Variants in MED13 observed in about 807,000 individuals in gnomAD.
MED13 encodes mediator of RNA polymerase II transcription subunit 13.
A neutral mutation model predicts 225.2 loss-of-function variants in MED13; 23 were observed. That is an observed-to-expected ratio of 0.10 (90% CI 0.07 to 0.14). The LOEUF is 0.14. Among genes scored for constraint, MED13 ranks in the 10% least tolerant of loss-of-function variants. The pLI is 1.00. For missense variants in MED13, 2,197 were observed against 2,594.5 expected, an observed-to-expected ratio of 0.85 and a Z score of 3.33; for synonymous variants, 942 against 889.2, an observed-to-expected ratio of 1.06 and a Z score of -1.06.
intron 16 of MED13, among the ~76,000 whole-genome samples, chr17:61,977,673 G>A (rs922057857): frequency 4.6e-5 from 7 of 152,170 alleles, no homozygotes; most frequent in African/African-American, 1.7e-4. Flanking sequence ...GGATGTTCTT[G>A]ATCTGACCTT....
chr17:61,954,766 G>C (rs2079927486), intron 26 of MED13, among the ~76,000 whole-genome samples: 1 of 152,128 alleles, frequency 6.6e-6, no homozygotes, highest in Non-Finnish European at 1.5e-5. Flanking sequence ...GACAGAGTGA[G>C]TGAGACTCTG....
At chr17:62,064,965 T>C (rs1313896992) in intron 1 of MED13, among the ~76,000 whole-genome samples, 175 bp downstream of exon 1, 1 of 152,108 alleles carries the variant, frequency 6.6e-6, no homozygotes, top group African/African-American at 2.4e-5. Context: ...CCCGGGACCG[T>C]AGGAGAGCGA....
At chr17:62,041,541 C>T (rs1400238286) in intron 3 of MED13, among the ~76,000 whole-genome samples, 5 of 151,912 alleles carry the variant, frequency 3.3e-5, no homozygotes, top group Middle Eastern at 3.2e-3. Flanking sequence ...AGTTTTGTTA[C>T]GTACATTTTA....
intron 8 of MED13, among the ~76,000 whole-genome samples, chr17:62,025,655 G>A (rs544700214): frequency 2.0e-4 from 30 of 152,200 alleles, no homozygotes; most frequent in East Asian, 1.4e-3. Flanking sequence ...GCGAGATATC[G>A]TCTCAAACAA....
Position 61,966,655 on chromosome 17 carries a change from C to G in MED13, c.4192-4G>C, listed in dbSNP as rs1173101583. On this transcript the variant is annotated splice_region_variant and splice_polypyrimidine_tract_variant and intron_variant, in intron 18 of 29. Transcript: ENST00000397786. ...TATGTTGACCTAATCGACAGGACTACAAATATACATACAGAAAGCAGAATT... is the reference window on the plus strand; with the variant it reads ...TATGTTGACCTAATCGACAGGACTAGAAATATACATACAGAAAGCAGAATT... The G allele has an allele frequency of 1.3e-6, 2 of 1,570,310 alleles. No individual in the cohort carries two copies. The highest frequency in any genetic ancestry group is 1.4e-5 in the African/African-American group (1 of 73,262).
chr17:62,000,481 C>T (rs748560766), intron 9 of MED13, among the ~76,000 whole-genome samples: 45 of 152,148 alleles, frequency 3.0e-4, no homozygotes, highest in Non-Finnish European at 4.7e-4. Context: ...TAGCTAAAGT[C>T]ATGTAGTACA....
intron 2 of MED13, among the ~76,000 whole-genome samples, chr17:62,057,080 AT>A (rs539595855): frequency 7.1e-4 from 108 of 152,354 alleles, no homozygotes; most frequent in African/African-American, 2.0e-3. Flanking sequence ...TCTCAAAAAA[AT>A]GGCATCTTTA....
intron 8 of MED13, among the ~76,000 whole-genome samples, chr17:62,015,773 CACTA>C (rs2080557801): frequency 1.4e-5 from 2 of 140,484 alleles, no homozygotes. Context: ...GATATACACA[CACTA>C]TATATATATA....
Position 62,029,618 on chromosome 17 carries a change from G to A in MED13, c.1206C>T (p.Cys402=), listed in dbSNP as rs377226714. The A allele has an allele frequency of 1.4e-5, 22 of 1,613,710 alleles. No individual in the cohort carries two copies. The highest frequency in any genetic ancestry group is 1.2e-4 in the African/African-American group (9 of 74,884). ...RKYSASSGGL[C]EEATAAKVAS... ...CCACTTTAGCAGCTGTCGCTTCTTC[G>A]CATAGACCACCTGATGAAGCAGAAT... The change falls in exon 8 of 30, where the codon TGC becomes TGT. Residue 402 remains cysteine, a synonymous_variant. Transcript: ENST00000397786.
In MED13 at chr17:61,946,453, T is replaced by C; in HGVS notation, c.*15A>G. 6.2e-7 allele frequency: 1 copy of C among 1,610,948 alleles called. No individual in the cohort carries two copies. The highest frequency in any genetic ancestry group is 1.1e-5 in the South Asian group (1 of 90,754). ...TTTCCTTGTTCTTTTCTTGCACAGT[T>C]CCATCAAATGAAGATCACAGCATAT... On this transcript the variant is annotated 3_prime_UTR_variant, in exon 30 of 30. Transcript: ENST00000397786.
At position 62,003,599 on chromosome 17, in the gene MED13, C is replaced by CAAAAAAAAAAAAAAAAA. The variant is rs34451831; in HGVS notation, c.1967+6934_1967+6950dup. 1.8e-3 allele frequency: 95 copies of CAAAAAAAAAAAAAAAAA among 51,720 alleles called. 2 individuals are homozygous for CAAAAAAAAAAAAAAAAA. The highest frequency in any genetic ancestry group is 2.2e-3 in the African/African-American group (28 of 12,478). The allele number at this position is 51,720 out of a possible 1,614,324, so 3.2% of individuals were successfully genotyped here. A position where few individuals can be genotyped will look rare whatever the true frequency, so the allele number is the denominator to read the frequency against. ...CAGCCTGAGCAACAACAGCAAAACTCAAAAAAAAAAAAAAAAAAAAAAGCA... is the reference window on the plus strand; with the variant it reads ...CAGCCTGAGCAACAACAGCAAAACTCAAAAAAAAAAAAAAAAAAAAAAAAAAAAAAAAAAAAAAAGCA... On this transcript the variant is annotated intron_variant, in intron 9 of 29. Transcript: ENST00000397786.
At chr17:62,064,958 G>A (rs1229882916) in intron 1 of MED13, among the ~76,000 whole-genome samples, 182 bp downstream of exon 1, 1 of 152,184 alleles carries the variant, frequency 6.6e-6, no homozygotes, top group Non-Finnish European at 1.5e-5. Flanking sequence ...AACAGAGCCC[G>A]GGACCGTAGG....
chr17:61,966,537 A>G lies in MED13; in HGVS notation c.4306T>C (p.Ser1436Pro), dbSNP rs776379381. 2 of 1,613,972 alleles carry G rather than the reference A, an allele frequency of 1.2e-6. No individual in the cohort carries two copies. The highest frequency in any genetic ancestry group is 1.7e-6 in the Non-Finnish European group (2 of 1,179,894). The change falls in exon 19 of 30, where the codon TCT (serine) becomes CCT (proline). Residue 1436 changes from serine (S) to proline (P), a missense_variant. By Grantham distance (74) the Ser-to-Pro change is moderately conservative. Transcript: ENST00000397786. ...TCATTGTTACCGTCAGCTGCCTGAGAAAACCATTCTGCTACCAACTTTTCT... is the reference window on the plus strand; with the variant it reads ...TCATTGTTACCGTCAGCTGCCTGAGGAAACCATTCTGCTACCAACTTTTCT... ...LSEKLVAEWF[S>P]QAADGNNEAF...
rs1283223735 is a variant in MED13 at position 62,063,266 on chromosome 17, T to A, written c.102A>T (p.Val34=). 1.2e-6 allele frequency: 2 copies of A among 1,613,774 alleles called. No individual in the cohort carries two copies. Among genetic ancestry groups the A allele is most frequent in the African/African-American group, 1.3e-5 (1 of 74,888 alleles). The part of the protein sequence containing the change: ...DLTGIKWKKY[V]WQGPTSAPIL... ...TAGGGGCAGAAGTTGGGCCTTGCCA[T>A]ACATATTTTTTCCACTTAATTCCTG... Residue 34 remains valine (V), a synonymous_variant, in exon 2 of 30, where the codon GTA becomes GTT. Transcript: ENST00000397786.
chr17:61,998,857 C>T (rs1054901707), intron 9 of MED13, among the ~76,000 whole-genome samples: 3 of 151,448 alleles, frequency 2.0e-5, no homozygotes, highest in Non-Finnish European at 4.4e-5. Flanking sequence ...TGTTTGCCTC[C>T]CAAAGTGCTG....
At chr17:62,060,856 T>C (rs750622381) in intron 2 of MED13, among the ~76,000 whole-genome samples, 2 of 151,834 alleles carry the variant, frequency 1.3e-5, no homozygotes, top group Admixed American at 1.3e-4. Flanking sequence ...CGTGCCACCA[T>C]GCCCAGCTAA....
At chr17:62,022,490 A>T (rs2080659076) in intron 8 of MED13, among the ~76,000 whole-genome samples, 1 of 152,000 alleles carries the variant, frequency 6.6e-6, no homozygotes, top group Admixed American at 6.6e-5. Flanking sequence ...TTTTTCTTTT[A>T]AAAAAGAGAG....
chr17:61,952,796 C>A (rs977632362), intron 27 of MED13, among the ~76,000 whole-genome samples, 169 bp downstream of exon 27: 1 of 152,066 alleles, frequency 6.6e-6, no homozygotes, highest in Non-Finnish European at 1.5e-5. Flanking sequence ...GCCACCTTAC[C>A]CGGCTATTTT....
intron 11 of MED13, among the ~76,000 whole-genome samples, chr17:61,991,597 C>T (rs2080299431): frequency 6.6e-6 from 1 of 152,124 alleles, no homozygotes; most frequent in African/African-American, 2.4e-5. Context: ...CAACCTCTGC[C>T]TCCCAGGTTC....
Sources: allele counts gnomAD v4.1 joint callset (sites outside exome capture counted in the v4.1 genomes callset), GRCh38; gene constraint gnomAD v4.1.1; transcripts MANE v1.5; gene names NCBI Gene and HGNC (gene_info 2026-07-23, HGNC 2026-07-21).